The following ZFYVE9 variants were observed in gnomAD, a reference collection of about 807,000 sequenced individuals.
The protein encoded by ZFYVE9 is zinc finger FYVE-type containing 9, also known as zinc finger FYVE domain-containing protein 9.
In ZFYVE9, 43 loss-of-function variants were observed where a neutral mutation model predicts 126.7. The observed-to-expected ratio is 0.34, with a 90% CI of 0.27 to 0.44. The LOEUF (loss-of-function observed/expected upper bound fraction) is 0.44, where lower values mean the gene tolerates loss of function less well. Among genes scored for constraint, ZFYVE9 ranks in the 20% least tolerant of loss-of-function variants. The probability of loss-of-function intolerance (pLI) is 1.00; values close to 1 mark genes in which losing one functional copy is unlikely to be tolerated. For synonymous variants in ZFYVE9, 521 were observed against 597.4 expected, an observed-to-expected ratio of 0.87 and a Z score of 1.87; for missense variants, 1,476 against 1,697.0, an observed-to-expected ratio of 0.87 and a Z score of 2.29.
intron 9 of ZFYVE9, among the ~76,000 whole-genome samples, chr1:52,280,191 A>G (rs1210662552): frequency 6.6e-6 from 1 of 150,648 alleles, no homozygotes; most frequent in East Asian, 2.0e-4. Flanking sequence ...AGCCTGGGCA[A>G]CATGGTGAAA....
chr1:52,263,471 A>C (rs180893295), intron 4 of ZFYVE9, among the ~76,000 whole-genome samples: 1 of 152,330 alleles, frequency 6.6e-6, no homozygotes, highest in African/African-American at 2.4e-5. Context: ...GATTGTGTGC[A>C]TAGAAATCTT....
intron 12 of ZFYVE9, among the ~76,000 whole-genome samples, chr1:52,300,868 T>G (rs879649919): frequency 4.0e-5 from 6 of 151,632 alleles, no homozygotes; most frequent in Non-Finnish European, 8.8e-5. Flanking sequence ...TTTTGGTTTT[T>G]TTTTTTTTTG....
At chr1:52,208,961 G>A (rs767269353) in intron 1 of ZFYVE9, among the ~76,000 whole-genome samples, 3 of 152,192 alleles carry the variant, frequency 2.0e-5, no homozygotes, top group African/African-American at 4.8e-5. Context: ...GAAGTTCTTC[G>A]AAAGTAAATC....
Position 52,238,065 on chromosome 1 carries a change from G to A in ZFYVE9, c.648G>A (p.Leu216=). The change falls in exon 4 of 19, where the codon TTG becomes TTA. Residue 216 remains leucine (L), a synonymous_variant. Transcript: ENST00000287727. The part of the protein sequence containing the change: ...DMNSEKQMDP[L]NRPKTEGRSV... ...ATTCAGAGAAACAAATGGATCCATT[G>A]AATAGACCGAAAACAGAGGGGAGAT... is the stretch of plus-strand genomic sequence containing the variant. 1 of 1,613,964 alleles carries A rather than the reference G, an allele frequency of 6.2e-7. No homozygotes were observed. Among genetic ancestry groups the A allele is most frequent in the Non-Finnish European group, 8.5e-7 (1 of 1,179,944 alleles).
At chr1:52,144,633 T>C (rs914304029) in intron 1 of ZFYVE9, among the ~76,000 whole-genome samples, 9 of 151,208 alleles carry the variant, frequency 6.0e-5, no homozygotes, top group South Asian at 2.1e-4. Flanking sequence ...TTCTTTCTTT[T>C]TTTTTTTTTT....
intron 1 of ZFYVE9, among the ~76,000 whole-genome samples, chr1:52,195,698 T>A (rs1195184361): frequency 6.6e-6 from 1 of 152,154 alleles, no homozygotes; most frequent in Non-Finnish European, 1.5e-5. Context: ...TATTTTTATT[T>A]TGGACACAGA....
intron 13 of ZFYVE9, among the ~76,000 whole-genome samples, chr1:52,326,792 C>T (rs1646296182): frequency 6.6e-6 from 1 of 151,936 alleles, no homozygotes; most frequent in African/African-American, 2.4e-5. Context: ...TCACTTGAAC[C>T]CAGGACGTGG....
intron 1 of ZFYVE9, among the ~76,000 whole-genome samples, chr1:52,154,492 A>T (rs1644384079): frequency 6.6e-6 from 1 of 152,200 alleles, no homozygotes; most frequent in Non-Finnish European, 1.5e-5. Flanking sequence ...GATGTCAGCT[A>T]GTTGAGTCAT....
At chr1:52,241,465 A>G (rs1645333447) in intron 4 of ZFYVE9, among the ~76,000 whole-genome samples, 1 of 152,208 alleles carries the variant, frequency 6.6e-6, no homozygotes, top group Admixed American at 6.5e-5. Flanking sequence ...GCTTACTGTA[A>G]CACTTTCTGA....
intron 15 of ZFYVE9, among the ~76,000 whole-genome samples, chr1:52,335,616 T>G (rs1425830244): frequency 6.6e-6 from 1 of 152,206 alleles, no homozygotes; most frequent in African/African-American, 2.4e-5. Flanking sequence ...CTGCATTGCC[T>G]TTTGTGACCC....
intron 2 of ZFYVE9, among the ~76,000 whole-genome samples, chr1:52,232,849 T>A (rs747606203): frequency 2.6e-5 from 4 of 151,368 alleles, no homozygotes; most frequent in African/African-American, 4.9e-5. Context: ...TTGAAAAAAA[T>A]TCTGTAAGCT....
At chr1:52,158,672 G>A (rs942781341) in intron 1 of ZFYVE9, among the ~76,000 whole-genome samples, 4 of 152,198 alleles carry the variant, frequency 2.6e-5, no homozygotes, top group Non-Finnish European at 4.4e-5. Flanking sequence ...GCCTCCCTTC[G>A]TAGGTGATAA....
intron 15 of ZFYVE9, among the ~76,000 whole-genome samples, chr1:52,337,042 G>A (rs547399700): frequency 6.6e-6 from 1 of 152,098 alleles, no homozygotes; most frequent in East Asian, 1.9e-4. Context: ...TATGTGTCTG[G>A]CTTGGGAATT....
chr1:52,333,602 C>T (rs190794111), intron 14 of ZFYVE9, among the ~76,000 whole-genome samples: 1 of 152,230 alleles, frequency 6.6e-6, no homozygotes, highest in East Asian at 1.9e-4. Flanking sequence ...TTCTCAGGCA[C>T]CATGGTGTTA....
At chr1:52,193,707 CAAAAAAA>C (rs771434275) in intron 1 of ZFYVE9, among the ~76,000 whole-genome samples, 2 of 56,428 alleles carry the variant, frequency 3.5e-5, no homozygotes, top group African/African-American at 6.4e-5. Context: ...AACTCTGTCT[CAAAAAAA>C]AAAAAAAAAA....
chr1:52,283,495 A>G (rs566422548), intron 10 of ZFYVE9, among the ~76,000 whole-genome samples: 1 of 152,372 alleles, frequency 6.6e-6, no homozygotes, highest in African/African-American at 2.4e-5. Context: ...AAGCAAATGT[A>G]TATTCATACA....
At chr1:52,253,604 G>A (rs1645473546) in intron 4 of ZFYVE9, 1 of 1,175,584 alleles carries the variant, frequency 8.5e-7, no homozygotes, top group South Asian at 1.2e-5. Context: ...TTGGCAAGCA[G>A]CCAGAATACT....
chr1:52,211,752 G>A (rs1312254609), intron 1 of ZFYVE9, among the ~76,000 whole-genome samples: 1 of 152,168 alleles, frequency 6.6e-6, no homozygotes, highest in African/African-American at 2.4e-5. Flanking sequence ...ATTAATCACA[G>A]CCAAGATAGG....
At chr1:52,180,148 A>G in intron 1 of ZFYVE9, 1 of 1,174,056 alleles carries the variant, frequency 8.5e-7, no homozygotes, top group South Asian at 1.2e-5. Context: ...TATGTTCAAG[A>G]AGTTACCAAA....
Sources: allele counts gnomAD v4.1 joint callset (sites outside exome capture counted in the v4.1 genomes callset), GRCh38; gene constraint gnomAD v4.1.1; transcripts MANE v1.5; gene names NCBI Gene and HGNC (gene_info 2026-07-23, HGNC 2026-07-21).